Variants in BFAR observed in about 807,000 individuals in gnomAD.
The protein encoded by BFAR is RING finger protein 47.
A neutral mutation model predicts 54.4 loss-of-function variants in BFAR; 52 were observed. The observed-to-expected ratio is 0.96, with a 90% CI of 0.77 to 1.21. The LOEUF (loss-of-function observed/expected upper bound fraction) is 1.21, where lower values mean the gene tolerates loss of function less well. Ranked by LOEUF, BFAR falls within the 50% of genes most tolerant of loss-of-function variation. BFAR has a pLI of 0.00. For missense variants in BFAR, 571 were observed against 534.0 expected (o/e 1.07, Z -0.68); for synonymous variants, 215 against 204.3 (o/e 1.05, Z -0.45).
intron 5 of BFAR, among the ~76,000 whole-genome samples, chr16:14,656,580 CCT>C (rs1414279002): frequency 6.6e-6 from 1 of 152,084 alleles, no homozygotes; most frequent in Non-Finnish European, 1.5e-5. Flanking sequence ...AGTACCTGCA[CCT>C]CTCCTTGCCT....
chr16:14,640,596 C>G (rs1959590816), intron 1 of BFAR, among the ~76,000 whole-genome samples: 1 of 152,116 alleles, frequency 6.6e-6, no homozygotes, highest in African/African-American at 2.4e-5. Flanking sequence ...CCCTACAGGC[C>G]AGGTGTTGCC....
intron 1 of BFAR, among the ~76,000 whole-genome samples, chr16:14,643,175 C>T (rs887734779): frequency 2.0e-5 from 3 of 152,028 alleles, no homozygotes; most frequent in African/African-American, 7.2e-5. Context: ...TAGCTGGGCC[C>T]AATGGCACGC....
chr16:14,657,499 C>T (rs753599702), intron 5 of BFAR, among the ~76,000 whole-genome samples: 17 of 152,034 alleles, frequency 1.1e-4, no homozygotes, highest in Non-Finnish European at 1.3e-4. Context: ...CCGCCTGCCT[C>T]GGCCTCCCAA....
At chr16:14,638,427 T>C (rs1206890593) in intron 1 of BFAR, among the ~76,000 whole-genome samples, 2 of 152,202 alleles carry the variant, frequency 1.3e-5, no homozygotes, top group East Asian at 1.9e-4. Flanking sequence ...CAGGCTGGAC[T>C]TCCAATAAAG....
chr16:14,635,885 C>T (rs1959418730), intron 1 of BFAR, among the ~76,000 whole-genome samples: 1 of 152,120 alleles, frequency 6.6e-6, no homozygotes, highest in Non-Finnish European at 1.5e-5. Flanking sequence ...CCGCCTCGGC[C>T]TCCCAAAGTG....
intron 5 of BFAR, among the ~76,000 whole-genome samples, 196 bp downstream of exon 5, chr16:14,655,406 C>CT (rs1336957019): frequency 1.3e-5 from 2 of 151,604 alleles, no homozygotes; most frequent in Non-Finnish European, 2.9e-5. Flanking sequence ...AGTGCAACCT[C>CT]TGCCTCCCAG....
intron 1 of BFAR, among the ~76,000 whole-genome samples, chr16:14,640,627 G>A (rs938002740): frequency 6.6e-6 from 1 of 152,202 alleles, no homozygotes; most frequent in South Asian, 2.1e-4. Flanking sequence ...GGTGGCTACT[G>A]GTGGTGAGAC....
chr16:14,650,223 G>A (rs746623438), intron 4 of BFAR: 15 of 318,862 alleles, frequency 4.7e-5, no homozygotes, highest in Middle Eastern at 8.0e-4. Flanking sequence ...CCATCTATTC[G>A]GGAGGCTGAG....
chr16:14,659,589 C>T (rs963959722), intron 5 of BFAR, among the ~76,000 whole-genome samples: 3 of 148,604 alleles, frequency 2.0e-5, no homozygotes, highest in South Asian at 2.1e-4. Flanking sequence ...CTCACTCTGT[C>T]GCCCAGGCTG....
At chr16:14,655,610 T>C (rs954226037) in intron 5 of BFAR, among the ~76,000 whole-genome samples, 1 of 152,042 alleles carries the variant, frequency 6.6e-6, no homozygotes, top group African/African-American at 2.4e-5. Context: ...ATGTTTATGT[T>C]TCTAGTAGAG....
intron 1 of BFAR, among the ~76,000 whole-genome samples, chr16:14,639,881 A>G (rs944892301): frequency 3.7e-4 from 56 of 152,014 alleles, no homozygotes; most frequent in African/African-American, 1.3e-3. Context: ...AGCTCTGGTC[A>G]GGCACAGTGA....
chr16:14,655,116 T>C lies in BFAR; in HGVS notation c.689T>C (p.Ile230Thr), dbSNP rs1960087792. ...GAATTTTCCAAGACGCCCTATACCA[T>C]AGAAAACAGCAGCCACAGGAGAGCC... ...EEEFSKTPYT[I>T]ENSSHRRAIL... The change falls in exon 5 of 8, where the codon ATA becomes ACA. Residue 230 changes from isoleucine to threonine, a missense_variant. Coordinates refer to ENST00000261658, the MANE Select transcript of BFAR (RefSeq NM_016561.3). 1 of 1,612,190 alleles carries C rather than the reference T, an allele frequency of 6.2e-7. No homozygotes were observed. Among genetic ancestry groups the C allele is most frequent in the Non-Finnish European group, 8.5e-7 (1 of 1,179,282 alleles).
chr16:14,659,000 C>T (rs1960206437), intron 5 of BFAR, among the ~76,000 whole-genome samples: 1 of 151,826 alleles, frequency 6.6e-6, no homozygotes, highest in Non-Finnish European at 1.5e-5. Flanking sequence ...CTCCACCTCC[C>T]AGGTTCGAGC....
rs771938473 is a variant in BFAR, at chr16:14,664,997, C to T, written c.1086C>T (p.Leu362=). Residue 362 remains leucine (L), a synonymous_variant, in exon 7 of 8, where the codon CTC becomes CTT. Coordinates refer to ENST00000261658, the MANE Select transcript of BFAR (RefSeq NM_016561.3). ...TCCATTACTGGACATCACGGTTTCT[C>T]ATCATCAATGCTATGTTACTCTCAG... ...LEVHYWTSRF[L]IINAMLLSVL... is the part of the protein sequence containing the mutation. 2.0e-5 allele frequency: 32 copies of T among 1,614,084 alleles called. No individual in the cohort carries two copies. The South Asian group carries it at 2.2e-4, about 11-fold the overall frequency.
chr16:14,660,379 C>T (rs1165134427), intron 5 of BFAR, among the ~76,000 whole-genome samples: 1 of 151,914 alleles, frequency 6.6e-6, no homozygotes, highest in African/African-American at 2.4e-5. Flanking sequence ...CTCTGCCTCC[C>T]GGGTTCAAGT....
chr16:14,649,346 G>A (rs1023158716), intron 3 of BFAR, among the ~76,000 whole-genome samples: 3 of 152,188 alleles, frequency 2.0e-5, no homozygotes, highest in Non-Finnish European at 4.4e-5. Context: ...CAAGTGCTGG[G>A]ATTATAGGCG....
intron 1 of BFAR, among the ~76,000 whole-genome samples, chr16:14,638,959 A>G (rs1195272085): frequency 1.3e-5 from 2 of 152,174 alleles, no homozygotes; most frequent in African/African-American, 2.4e-5. Flanking sequence ...GAAAAAAAAA[A>G]AAAGAAAAAT....
chr16:14,643,719 G>C (rs1188112102), intron 1 of BFAR: 2 of 152,260 alleles, frequency 1.3e-5, no homozygotes, highest in African/African-American at 4.8e-5. Flanking sequence ...GCGGCAGTGA[G>C]CTGTGATTGC....
intron 5 of BFAR, among the ~76,000 whole-genome samples, chr16:14,656,434 A>C (rs1483695593): frequency 6.6e-6 from 1 of 151,858 alleles, no homozygotes; most frequent in Non-Finnish European, 1.5e-5. Context: ...AGGCTGCGCT[A>C]AACCATGATC....
Sources: allele counts gnomAD v4.1 joint callset (sites outside exome capture counted in the v4.1 genomes callset), GRCh38; gene constraint gnomAD v4.1.1; transcripts MANE v1.5; gene names NCBI Gene and HGNC (gene_info 2026-07-23, HGNC 2026-07-21).